The following CA7 variants were observed in gnomAD, a reference collection of about 807,000 sequenced individuals.
CA7 encodes the protein carbonate dehydratase VII.
Under a neutral mutation model 31.4 loss-of-function variants are expected in CA7, and 13 were observed. The ratio of observed to expected loss-of-function variants is 0.41; its 90% CI spans 0.27 to 0.66. The LOEUF (loss-of-function observed/expected upper bound fraction) is 0.66. CA7 is among the 30% of genes least tolerant of loss of function. The probability of loss-of-function intolerance (pLI) is 0.28; values close to 1 mark genes in which losing one functional copy is unlikely to be tolerated. For synonymous variants in CA7, 128 were observed against 133.2 expected, an observed-to-expected ratio of 0.96 and a Z score of 0.27; for missense variants, 215 against 351.0, an observed-to-expected ratio of 0.61 and a Z score of 3.10.
Position 66,851,640 on chromosome 16 carries a change from C to T in CA7, c.454-24C>T, listed in dbSNP as rs777741146. ...GTTCTAGAACACAGTGGGCTCTGGG[C>T]TCACACTGCCCTCTCCCTGACAGAC... On this transcript the variant is annotated intron_variant, in intron 4 of 6. Coordinates refer to ENST00000338437, the MANE Select transcript of CA7 (RefSeq NM_005182.3). The T allele has an allele frequency of 5.6e-6, 9 of 1,613,760 alleles. No individual in the cohort carries two copies. The African/African-American group carries it at 1.1e-4, about 19-fold the overall frequency.
At position 66,849,728 on chromosome 16, in the gene CA7, G is replaced by T. The variant is rs1197354747; in HGVS notation, c.239-813G>T. On this transcript the variant is annotated intron_variant, in intron 2 of 6. Coordinates refer to ENST00000338437, the MANE Select transcript of CA7 (RefSeq NM_005182.3). The stretch of plus-strand genomic sequence containing the variant: ...ACAGCTAGATAGAGAGCTGTCCTCT[G>T]TCAGTCCCAGACCCTTCTGCCACCT... Among the ~76,000 whole-genome samples the T allele has an allele frequency of 2.0e-5, 3 of 152,026 alleles. No homozygotes were observed. The East Asian group carries it at 5.8e-4, about 29-fold the overall frequency.
intron 1 of CA7, 106 bp downstream of exon 1, chr16:66,844,633 C>A: frequency 1.0e-6 from 1 of 997,118 alleles, no homozygotes; most frequent in South Asian, 1.7e-5. Flanking sequence ...AGCTCCCACA[C>A]TCCAGGCTGG....
At chr16:66,846,387 G>C (rs752882807) in intron 1 of CA7, among the ~76,000 whole-genome samples, 4 of 152,192 alleles carry the variant, frequency 2.6e-5, no homozygotes, top group African/African-American at 9.7e-5. Flanking sequence ...AAAGATTAAT[G>C]TGTTCATAGG....
chr16:66,851,201 C>T (rs983546539), intron 3 of CA7, among the ~76,000 whole-genome samples: 1 of 152,234 alleles, frequency 6.6e-6, no homozygotes, highest in African/African-American at 2.4e-5. Flanking sequence ...TTTCACAGCT[C>T]GTTCCCTGCA....
chr16:66,852,798 G>A lies in CA7; in HGVS notation c.603G>A (p.Thr201=), dbSNP rs200075256. ...ACTGGACCTACCCGGGCTCTCTGAC[G>A]ACTCCCCCACTCAGTGAGAGTGTCA... ...RHYWTYPGSL[T]TPPLSESVTW... Residue 201 remains threonine, a synonymous_variant, in exon 6 of 7, where the codon ACG becomes ACA. Coordinates refer to ENST00000338437, the MANE Select transcript of CA7 (RefSeq NM_005182.3). The A allele has an allele frequency of 5.1e-5, 82 of 1,613,926 alleles. No homozygotes were observed. Among genetic ancestry groups the A allele is most frequent in the Non-Finnish European group, 6.2e-5 (73 of 1,179,974 alleles).
intron 3 of CA7, 49 bp from the exon 4 acceptor site, chr16:66,851,414 C>A (rs1342881338): frequency 1.4e-6 from 2 of 1,469,726 alleles, no homozygotes; most frequent in African/African-American, 1.4e-5. Context: ...GCTCAGAGTT[C>A]CCATTGCCTC....
At chr16:66,844,977 A>G (rs1440427156) in intron 1 of CA7, 3 of 994,338 alleles carry the variant, frequency 3.0e-6, no homozygotes, top group Non-Finnish European at 3.6e-6. Context: ...CCGCGTGGCA[A>G]GGGCGCAGTG....
intron 1 of CA7, chr16:66,845,111 C>G: frequency 1.0e-6 from 1 of 985,584 alleles, no homozygotes; most frequent in Non-Finnish European, 1.2e-6. Flanking sequence ...GGTGTTTGCG[C>G]ACGTCCGGGT....
At chr16:66,846,855 T>C (rs998358440) in intron 1 of CA7, among the ~76,000 whole-genome samples, 175 bp from the exon 2 acceptor site, 1 of 152,130 alleles carries the variant, frequency 6.6e-6, no homozygotes, top group Non-Finnish European at 1.5e-5. Flanking sequence ...GACAAAGAAA[T>C]GGAGGCTGAA....
At chr16:66,845,196 G>T (rs779873916) in intron 1 of CA7, 89 of 985,414 alleles carry the variant, frequency 9.0e-5, no homozygotes, top group Non-Finnish European at 9.9e-5. Context: ...TCCTGCCTCA[G>T]TTTCCTTAGG....
At chr16:66,850,485 C>A in intron 2 of CA7, 56 bp from the exon 3 acceptor site, 1 of 982,028 alleles carries the variant, frequency 1.0e-6, no homozygotes, top group Non-Finnish European at 1.7e-6. Context: ...CTGGTCCTGG[C>A]ACTGGGCTGT....
At chr16:66,851,598 G>C (rs764659485) in intron 4 of CA7, 40 bp downstream of exon 4, 2 of 1,612,234 alleles carry the variant, frequency 1.2e-6, no homozygotes, top group Non-Finnish European at 1.7e-6. Context: ...GGCATGGGAG[G>C]CCTGGCACTG....
At chr16:66,851,379 G>T in intron 3 of CA7, 84 bp from the exon 4 acceptor site, 1 of 1,105,490 alleles carries the variant, frequency 9.0e-7, no homozygotes, top group Non-Finnish European at 1.4e-6. Flanking sequence ...GAGGCCAGGG[G>T]TCTGGTGGGA....
At position 66,852,747 on chromosome 16, in the gene CA7, G is replaced by A. The variant is rs1279901984; in HGVS notation, c.552G>A (p.Lys184=). 6.2e-7 allele frequency: 1 copy of A among 1,614,008 alleles called. No individual in the cohort carries two copies. Among genetic ancestry groups the A allele is most frequent in the East Asian group, 2.2e-5 (1 of 44,868 alleles). ...CCCAGTTCAGCTGCTTCAACCCCAA[G>A]TGCCTCCTGCCTGCCAGCCGGCACT... The part of the protein sequence containing the change: ...TKAQFSCFNP[K]CLLPASRHYW... Residue 184 remains lysine, a synonymous_variant, in exon 6 of 7, where the codon AAG becomes AAA. Transcript: ENST00000338437.
At chr16:66,848,762 G>A (rs1012233585) in intron 2 of CA7, among the ~76,000 whole-genome samples, 8 of 152,180 alleles carry the variant, frequency 5.3e-5, no homozygotes, top group Non-Finnish European at 8.8e-5. Flanking sequence ...GTCAAGGGGT[G>A]TTACGGAGGG....
chr16:66,850,440 CAAAA>C, intron 2 of CA7, 97 bp from the exon 3 acceptor site: 1 of 589,430 alleles, frequency 1.7e-6, no homozygotes, highest in Non-Finnish European at 3.1e-6. Context: ...GACCCTGACT[CAAAA>C]AAAAAAATGT....
Position 66,853,582 on chromosome 16 carries a change from C to T in CA7, c.*84C>T. 2.6e-6 allele frequency: 4 copies of T among 1,567,906 alleles called. No individual in the cohort carries two copies. The highest frequency in any genetic ancestry group is 2.6e-6 in the Non-Finnish European group (3 of 1,154,922). On this transcript the variant is annotated 3_prime_UTR_variant, in exon 7 of 7. Transcript: ENST00000338437. This position sits in a 1 kb window ranked among gnomAD's most constrained non-coding sequence, Gnocchi z 4.5. ...GCAGACACCAAACCATCTGAGGCTT[C>T]CTCCCTGGGGGGTGCTGGGGACCCT...
At chr16:66,851,194 C>T (rs1961040219) in intron 3 of CA7, among the ~76,000 whole-genome samples, 1 of 152,226 alleles carries the variant, frequency 6.6e-6, no homozygotes. Context: ...TGATCGATTT[C>T]ACAGCTCGTT....
intron 2 of CA7, among the ~76,000 whole-genome samples, chr16:66,849,569 A>G (rs1960996128): frequency 1.3e-5 from 2 of 152,234 alleles, no homozygotes; most frequent in Admixed American, 1.3e-4. Flanking sequence ...TACTATGCAG[A>G]CTAAACAAAA....
Sources: gnomAD v4.1 joint callset for allele counts (sites outside exome capture counted in the v4.1 genomes callset) on GRCh38, gnomAD v4.1.1 for gene constraint, Gnocchi (gnomAD v3.1) non-coding constraint, MANE v1.5 for transcripts, NCBI Gene and HGNC (gene_info 2026-07-23, HGNC 2026-07-21) for gene names.